The following DGKG variants were observed in gnomAD, a reference collection of about 807,000 sequenced individuals.
DGKG encodes the protein diacylglycerol kinase gamma.
DGKG carries 78 observed loss-of-function variants against 105.3 expected under a neutral mutation model. The ratio of observed to expected loss-of-function variants is 0.74; its 90% CI spans 0.62 to 0.89. DGKG has a LOEUF of 0.89. Among genes scored for constraint, DGKG ranks in the 40% least tolerant of loss-of-function variants. The pLI is 0.00. For missense variants in DGKG, 958 were observed against 1,020.1 expected, an observed-to-expected ratio of 0.94 and a Z score of 0.83; for synonymous variants, 346 against 367.1, an observed-to-expected ratio of 0.94 and a Z score of 0.66.
chr3:186,215,838 G>C (rs576671133), intron 20 of DGKG, among the ~76,000 whole-genome samples: 1 of 152,102 alleles, frequency 6.6e-6, no homozygotes, highest in Non-Finnish European at 1.5e-5. Flanking sequence ...AGTCGTCTTT[G>C]TAACTGAAAG....
intron 2 of DGKG, chr3:186,313,597 C>T: frequency 1.1e-6 from 1 of 869,862 alleles, no homozygotes; most frequent in Non-Finnish European, 1.4e-6. Context: ...TCAGCATCAC[C>T]TGGGAGCTTG....
intron 5 of DGKG, among the ~76,000 whole-genome samples, chr3:186,297,064 T>A (rs1277931949): frequency 0.034 from 2,644 of 78,512 alleles, 91 homozygotes; most frequent in African/African-American, 0.13. Flanking sequence ...TCTGTCTGTC[T>A]CTCTCACACA....
intron 2 of DGKG, among the ~76,000 whole-genome samples, chr3:186,314,181 A>G (rs1403481895): frequency 0.054 from 3,031 of 55,836 alleles, 112 homozygotes; most frequent in African/African-American, 0.21. Flanking sequence ...CTGCACACAC[A>G]CACACACACA....
intron 17 of DGKG, among the ~76,000 whole-genome samples, chr3:186,256,084 C>T (rs564413277): frequency 1.3e-5 from 2 of 152,130 alleles, no homozygotes; most frequent in African/African-American, 2.4e-5. Flanking sequence ...AGTCCGGTAC[C>T]GCAGCCATCC....
chr3:186,354,846 A>G (rs6775877), intron 1 of DGKG, among the ~76,000 whole-genome samples: 26,589 of 152,112 alleles, frequency 0.17, 3,326 homozygotes, highest in African/African-American at 0.35. Context: ...CCTGGCTCCT[A>G]TTCTGGCTGG....
intron 11 of DGKG, among the ~76,000 whole-genome samples, chr3:186,270,300 ATCT>A (rs1722257450): frequency 6.6e-6 from 1 of 152,038 alleles, no homozygotes; most frequent in East Asian, 1.9e-4. Context: ...TAATTTTTGT[ATCT>A]TCTTTTTGTA....
intron 1 of DGKG, among the ~76,000 whole-genome samples, chr3:186,359,378 A>G (rs958055450): frequency 1.3e-5 from 2 of 152,220 alleles, no homozygotes; most frequent in Admixed American, 1.3e-4. Context: ...TAAATAACTA[A>G]CAGTGTAATA....
At chr3:186,253,352 C>T (rs1314378557) in intron 17 of DGKG, among the ~76,000 whole-genome samples, 170 bp from the exon 18 acceptor site, 1 of 152,182 alleles carries the variant, frequency 6.6e-6, no homozygotes, top group Non-Finnish European at 1.5e-5. Context: ...CCATCTGCAG[C>T]GTGTTAACCA....
chr3:186,165,167 GTTTCCCC>G, intron 22 of DGKG, 149 bp from the exon 23 acceptor site: 1 of 790,610 alleles, frequency 1.3e-6, no homozygotes, highest in Non-Finnish European at 1.9e-6. Flanking sequence ...TGAATAGGGT[GTTTCCCC>G]AAAGATCAAT....
chr3:186,241,173 C>T (rs551607863), intron 20 of DGKG, among the ~76,000 whole-genome samples: 9 of 152,234 alleles, frequency 5.9e-5, no homozygotes, highest in African/African-American at 2.2e-4. Flanking sequence ...ACTTCTCAGG[C>T]TGTGGGGTCA....
chr3:186,175,756 C>T (rs1370203659), intron 22 of DGKG, among the ~76,000 whole-genome samples: 1 of 152,172 alleles, frequency 6.6e-6, no homozygotes, highest in African/African-American at 2.4e-5. Context: ...TCTAATTAAA[C>T]TAAAGAGCTT....
intron 1 of DGKG, among the ~76,000 whole-genome samples, chr3:186,353,399 A>C (rs1726729932): frequency 6.6e-6 from 1 of 151,900 alleles, no homozygotes; most frequent in Admixed American, 6.6e-5. Flanking sequence ...TGCATCTGTA[A>C]TCCCAGCTAC....
chr3:186,187,087 A>G (rs1717675372), intron 22 of DGKG, among the ~76,000 whole-genome samples: 1 of 152,196 alleles, frequency 6.6e-6, no homozygotes. Context: ...GCCAAAACAT[A>G]CGGGGCCCTC....
At chr3:186,277,382 G>A (rs1014171730) in intron 9 of DGKG, among the ~76,000 whole-genome samples, 13 of 152,236 alleles carry the variant, frequency 8.5e-5, no homozygotes, top group South Asian at 2.1e-4. Context: ...ATTTGGAGAA[G>A]TTCGGTAACT....
intron 1 of DGKG, among the ~76,000 whole-genome samples, chr3:186,323,956 A>AAAT (rs1725209248): frequency 2.0e-5 from 3 of 151,104 alleles, no homozygotes; most frequent in Non-Finnish European, 4.4e-5. Context: ...AAAAAAAAAA[A>AAAT]AATTAGCTGG....
chr3:186,161,459 T>C, intron 24 of DGKG, 144 bp downstream of exon 24: 1 of 1,466,052 alleles, frequency 6.8e-7, no homozygotes, highest in East Asian at 2.5e-5. Flanking sequence ...AGTGGATGGA[T>C]AATAAAGTGG....
intron 20 of DGKG, among the ~76,000 whole-genome samples, chr3:186,225,769 CAT>C (rs1271465001): frequency 6.6e-6 from 1 of 152,138 alleles, no homozygotes; most frequent in Non-Finnish European, 1.5e-5. Context: ...TGTGACCCCT[CAT>C]ATAGACCGCT....
intron 19 of DGKG, among the ~76,000 whole-genome samples, 191 bp downstream of exon 19, chr3:186,251,568 T>C (rs970610407): frequency 6.6e-6 from 1 of 152,004 alleles, no homozygotes. Flanking sequence ...AAGCAAGAGA[T>C]GGGGAATAAA....
In DGKG at chr3:186,269,225, G is replaced by C. The variant is rs11915417; in HGVS notation, c.1000-308C>G. On this transcript the variant is annotated intron_variant, in intron 11 of 24. Transcript: ENST00000265022. ...TGGCAGTCCATCTGTTTGTCTTGCA[G>C]AACGCCTTGCAGAGTGATGTGTTTG... Among the ~76,000 whole-genome samples, 1,363 of 152,362 alleles carry C rather than the reference G, an allele frequency of 8.9e-3. 16 individuals are homozygous for C. The highest frequency in any genetic ancestry group is 0.03 in the African/African-American group (1,267 of 41,574).
Sources: allele counts gnomAD v4.1 joint callset (sites outside exome capture counted in the v4.1 genomes callset), GRCh38; gene constraint gnomAD v4.1.1; transcripts MANE v1.5; gene names NCBI Gene and HGNC (gene_info 2026-07-23, HGNC 2026-07-21).